Variants in ANO2 observed in about 807,000 individuals in gnomAD.
ANO2 encodes the protein anoctamin 2.
In ANO2, 101 loss-of-function variants were observed where a neutral mutation model predicts 124.2. The observed-to-expected ratio is 0.81, with a 90% CI of 0.69 to 0.96. ANO2 has a LOEUF of 0.96. ANO2 is among the 40% of genes least tolerant of loss of function. The probability of loss-of-function intolerance (pLI) is 0.00; values close to 1 mark genes in which losing one functional copy is unlikely to be tolerated. For missense variants in ANO2, 1,293 were observed against 1,274.5 expected, an observed-to-expected ratio of 1.01 and a Z score of -0.22; for synonymous variants, 486 against 482.5, an observed-to-expected ratio of 1.01 and a Z score of -0.09.
At chr12:5,940,308 T>A (rs532397478) in intron 1 of ANO2, among the ~76,000 whole-genome samples, 4 of 152,224 alleles carry the variant, frequency 2.6e-5, no homozygotes, top group Non-Finnish European at 4.4e-5. Context: ...AAATTTAGCA[T>A]TTGAATTTAG....
intron 19 of ANO2, among the ~76,000 whole-genome samples, chr12:5,610,188 TAAATATA>T (rs1944431202): frequency 1.4e-5 from 1 of 73,070 alleles, no homozygotes; most frequent in South Asian, 3.1e-4. Context: ...AATACTTATA[TAAATATA>T]TACTTATATA....
chr12:5,618,347 TG>T (rs1185542436), intron 16 of ANO2, among the ~76,000 whole-genome samples: 1 of 151,888 alleles, frequency 6.6e-6, no homozygotes, highest in African/African-American at 2.4e-5. Context: ...CAATGGGAGG[TG>T]GGTGCTGCAC....
chr12:5,917,642 A>C (rs1941462102), intron 3 of ANO2, among the ~76,000 whole-genome samples: 1 of 142,622 alleles, frequency 7.0e-6, no homozygotes, highest in South Asian at 2.2e-4. Flanking sequence ...ATCTCAGCTC[A>C]CTGCAACTTC....
At chr12:5,795,794 C>T (rs1238534049) in intron 10 of ANO2, among the ~76,000 whole-genome samples, 5 of 152,106 alleles carry the variant, frequency 3.3e-5, no homozygotes, top group African/African-American at 1.2e-4. Flanking sequence ...TTGGGTCAGA[C>T]CTGTACAAAT....
intron 4 of ANO2, among the ~76,000 whole-genome samples, chr12:5,841,011 T>C (rs887871673): frequency 2.6e-5 from 4 of 152,068 alleles, no homozygotes; most frequent in African/African-American, 9.7e-5. Context: ...TGGAAGATTC[T>C]GGAGCTGAAG....
rs778764687 is a variant in ANO2 at position 5,862,867 on chromosome 12, TGCAAC to T, written c.535-8731_535-8727del. Among the ~76,000 whole-genome samples, 4 of 152,212 alleles carry T rather than the reference TGCAAC, an allele frequency of 2.6e-5. No homozygotes were observed. Among genetic ancestry groups the T allele is most frequent in the Non-Finnish European group, 5.9e-5 (4 of 68,040 alleles). On this transcript the variant is annotated intron_variant, in intron 3 of 24. Transcript: ENST00000682330. This position sits in a 1 kb window ranked among gnomAD's most constrained non-coding sequence, Gnocchi z 4.0. ...GTGCAATGGCGCAATCTTGGCTCAC[TGCAAC>T]CTCCACCTCCCAGGTTCAAGCAATC...
chr12:5,670,761 AACT>A (rs1419457005), intron 14 of ANO2, among the ~76,000 whole-genome samples: 1 of 152,082 alleles, frequency 6.6e-6, no homozygotes, highest in Non-Finnish European at 1.5e-5. Flanking sequence ...GTTGATCTCG[AACT>A]CCTGGTCTCA....
chr12:5,571,179 C>T (rs924760518), intron 23 of ANO2, among the ~76,000 whole-genome samples: 12 of 152,224 alleles, frequency 7.9e-5, no homozygotes, highest in Non-Finnish European at 1.3e-4. Context: ...GTAGGCTCTT[C>T]GAGCTCTGAG....
intron 15 of ANO2, among the ~76,000 whole-genome samples, chr12:5,644,125 T>G (rs1263578003): frequency 6.6e-6 from 1 of 152,196 alleles, no homozygotes; most frequent in Non-Finnish European, 1.5e-5. Flanking sequence ...ATTTTTTTCT[T>G]ATATATTTAA....
intron 21 of ANO2, among the ~76,000 whole-genome samples, 170 bp from the exon 22 acceptor site, chr12:5,578,177 A>G (rs1942529627): frequency 6.6e-6 from 1 of 152,232 alleles, no homozygotes. Context: ...CTGGAAGCTC[A>G]GATCACAAGT....
At position 5,591,745 on chromosome 12, in the gene ANO2, C is replaced by T. The variant is rs544521628; in HGVS notation, c.2233+7739G>A. The stretch of plus-strand genomic sequence containing the variant: ...GGGAGTCATACTTTGGGGTGAAGTT[C>T]CCTGAGCTCCTTCACACATCTCTCT... On this transcript the variant is annotated intron_variant, in intron 20 of 24. Transcript: ENST00000682330. 1.1e-4 allele frequency among the ~76,000 whole-genome samples: 16 copies of T among 152,282 alleles called. No individual in the cohort carries two copies. In the East Asian group the frequency reaches 2.1e-3, roughly 20 times the overall value.
intron 19 of ANO2, among the ~76,000 whole-genome samples, chr12:5,602,726 A>G (rs1437087329): frequency 6.6e-6 from 1 of 152,216 alleles, no homozygotes; most frequent in Non-Finnish European, 1.5e-5. Flanking sequence ...TCGTCATGAG[A>G]TTTCAGAACT....
intron 20 of ANO2, 59 bp from the exon 21 acceptor site, chr12:5,578,577 TG>T: frequency 6.5e-7 from 1 of 1,548,552 alleles, no homozygotes; most frequent in East Asian, 2.4e-5. Context: ...AGGTCCCTTC[TG>T]GCTTGCAGCT....
intron 22 of ANO2, among the ~76,000 whole-genome samples, chr12:5,577,155 CT>C (rs1942459683): frequency 6.6e-6 from 1 of 152,264 alleles, no homozygotes; most frequent in African/African-American, 2.4e-5. Flanking sequence ...GAGATGTGCA[CT>C]TCCTACATCA....
intron 7 of ANO2, among the ~76,000 whole-genome samples, chr12:5,811,348 T>A (rs1291119351): frequency 6.6e-6 from 1 of 152,256 alleles, no homozygotes; most frequent in East Asian, 1.9e-4. Context: ...TGTGCTTAAT[T>A]ACTTAAATGC....
chr12:5,729,897 A>G (rs1345852404), intron 14 of ANO2, among the ~76,000 whole-genome samples: 3 of 152,224 alleles, frequency 2.0e-5, no homozygotes, highest in Non-Finnish European at 2.9e-5. Context: ...GAAGTGAAAG[A>G]AGCTAAGGAC....
In ANO2 at chr12:5,838,166, T is replaced by G. The variant is rs529651901; in HGVS notation, c.634-5563A>C. ...ACCTTGGCAATAGATCTGCTAGGGC[T>G]CACCTAGAGAAACGGGCTAAAGGGA... On this transcript the variant is annotated intron_variant, in intron 4 of 24. Coordinates refer to ENST00000682330, the MANE Select transcript of ANO2 (RefSeq NM_001364791.2). Among the ~76,000 whole-genome samples the G allele has an allele frequency of 3.9e-5, 6 of 152,312 alleles. No homozygotes were observed. In the East Asian group the frequency reaches 9.7e-4, roughly 25 times the overall value.
At chr12:5,818,164 G>T (rs1953668051) in intron 7 of ANO2, among the ~76,000 whole-genome samples, 1 of 10,240 alleles carries the variant, frequency 9.8e-5, no homozygotes, top group Non-Finnish European at 4.7e-4. Context: ...GTCTGTGAGG[G>T]TGTTGCCAAA....
intron 14 of ANO2, among the ~76,000 whole-genome samples, chr12:5,683,743 C>T (rs1048888189): frequency 2.0e-5 from 3 of 151,906 alleles, no homozygotes; most frequent in East Asian, 1.9e-4. Flanking sequence ...AACAGATGAT[C>T]GGTGTAAGAG....
Sources: gnomAD v4.1 joint callset for allele counts (sites outside exome capture counted in the v4.1 genomes callset) on GRCh38, gnomAD v4.1.1 for gene constraint, Gnocchi (gnomAD v3.1) non-coding constraint, MANE v1.5 for transcripts, NCBI Gene and HGNC (gene_info 2026-07-23, HGNC 2026-07-21) for gene names.